TMEM132D: variants seen among roughly 807,000 people sequenced by gnomAD.
The protein encoded by TMEM132D is transmembrane protein 132D, also known as mature OL transmembrane protein.
TMEM132D carries 21 observed loss-of-function variants against 62.3 expected under a neutral mutation model. That is an observed-to-expected ratio of 0.34 (90% CI 0.24 to 0.49). The LOEUF is 0.49. Ranked by LOEUF, TMEM132D falls within the 20% of genes least tolerant of loss-of-function variation. TMEM132D has a pLI of 0.99. For synonymous variants in TMEM132D, 621 were observed against 575.6 expected, an observed-to-expected ratio of 1.08 and a Z score of -1.13; for missense variants, 1,346 against 1,402.8, an observed-to-expected ratio of 0.96 and a Z score of 0.65.
chr12:129,352,552 A>G (rs569635085), intron 3 of TMEM132D, among the ~76,000 whole-genome samples: 2 of 152,166 alleles, frequency 1.3e-5, no homozygotes, highest in South Asian at 2.1e-4. Context: ...AGGAACTTAA[A>G]CAAATTTACA....
intron 4 of TMEM132D, among the ~76,000 whole-genome samples, chr12:129,289,547 T>TAA (rs59709658): frequency 0.018 from 1,649 of 92,082 alleles, 16 homozygotes; most frequent in African/African-American, 0.043. Flanking sequence ...TCCATCTCAA[T>TAA]AAAAAAAAAA....
chr12:129,742,864 G>T (rs1593143764), intron 1 of TMEM132D, among the ~76,000 whole-genome samples: 1 of 152,314 alleles, frequency 6.6e-6, no homozygotes, highest in African/African-American at 2.4e-5. Flanking sequence ...TGGAATGCAA[G>T]AATTTCATCA....
chr12:129,431,062 T>C (rs1289871238), intron 3 of TMEM132D, among the ~76,000 whole-genome samples: 7 of 152,192 alleles, frequency 4.6e-5, no homozygotes, highest in African/African-American at 1.7e-4. Flanking sequence ...GTTCTCTGTC[T>C]TGGGCAGGGG....
intron 5 of TMEM132D, among the ~76,000 whole-genome samples, chr12:129,163,058 C>A (rs937180799): frequency 6.6e-6 from 1 of 152,170 alleles, no homozygotes. Flanking sequence ...GGGGGTGGAT[C>A]CCCAAGACCT....
intron 3 of TMEM132D, among the ~76,000 whole-genome samples, chr12:129,503,904 A>C (rs1402333531): frequency 6.6e-6 from 1 of 151,822 alleles, no homozygotes; most frequent in Non-Finnish European, 1.5e-5. Context: ...TCATCACCAT[A>C]ATCACTATTG....
intron 3 of TMEM132D, among the ~76,000 whole-genome samples, chr12:129,517,230 G>A (rs1247453436): frequency 2.6e-5 from 4 of 152,138 alleles, no homozygotes; most frequent in Non-Finnish European, 5.9e-5. Flanking sequence ...CTGGGACTCA[G>A]CTTCAAGATC....
chr12:129,675,029 A>G (rs544718480), intron 2 of TMEM132D, among the ~76,000 whole-genome samples: 2 of 152,306 alleles, frequency 1.3e-5, no homozygotes, highest in South Asian at 2.1e-4. Flanking sequence ...AAAATGGATA[A>G]TATGATTGTC....
At chr12:129,243,134 G>A (rs10847809) in intron 4 of TMEM132D, among the ~76,000 whole-genome samples, 6,059 of 152,270 alleles carry the variant, frequency 0.04, 264 homozygotes, top group East Asian at 0.21. Flanking sequence ...ACACACGTGT[G>A]CACACACATA....
chr12:129,317,328 G>C (rs1314436599), intron 4 of TMEM132D, among the ~76,000 whole-genome samples: 1 of 152,152 alleles, frequency 6.6e-6, no homozygotes, highest in African/African-American at 2.4e-5. Flanking sequence ...TTCTTGTAGT[G>C]GTGGCTTGGT....
chr12:129,727,904 A>G (rs1403307207), intron 1 of TMEM132D, among the ~76,000 whole-genome samples: 4 of 152,352 alleles, frequency 2.6e-5, no homozygotes, highest in Middle Eastern at 3.4e-3. Context: ...GCAGACAGCT[A>G]ACCCTGCATA....
chr12:129,262,022 G>C (rs1880561920), intron 4 of TMEM132D, among the ~76,000 whole-genome samples: 2 of 152,132 alleles, frequency 1.3e-5, no homozygotes, highest in South Asian at 2.1e-4. Context: ...ATCATTGAGA[G>C]AGTATGGGCT....
chr12:129,832,133 C>T lies in TMEM132D; in HGVS notation c.79+71128G>A, dbSNP rs541749877. Among the ~76,000 whole-genome samples, 286 of 149,510 alleles carry T rather than the reference C, an allele frequency of 1.9e-3. 1 individual carries two copies. Among genetic ancestry groups the T allele is most frequent in the African/African-American group, 6.0e-3 (244 of 40,662 alleles). Reference sequence around the variant, plus strand: ...CAATCTCCGGACCTCGTGATCCGCCCGTCTCAGCCTCCCAAAGAGCTGGGA... The same window carrying T: ...CAATCTCCGGACCTCGTGATCCGCCTGTCTCAGCCTCCCAAAGAGCTGGGA... On this transcript the variant is annotated intron_variant, in intron 1 of 8. Transcript: ENST00000422113.
At chr12:129,555,540 T>A (rs543484211) in intron 2 of TMEM132D, among the ~76,000 whole-genome samples, 1 of 152,200 alleles carries the variant, frequency 6.6e-6, no homozygotes, top group Non-Finnish European at 1.5e-5. Flanking sequence ...CATTCGAAAG[T>A]CATCAGAAGA....
intron 3 of TMEM132D, among the ~76,000 whole-genome samples, chr12:129,458,420 G>A (rs1873549767): frequency 6.8e-6 from 1 of 146,632 alleles, no homozygotes; most frequent in Non-Finnish European, 1.5e-5. Flanking sequence ...TTGTCTTTTA[G>A]ATAGAGTTTA....
chr12:129,217,762 T>C (rs972709577), intron 4 of TMEM132D, among the ~76,000 whole-genome samples: 8 of 152,232 alleles, frequency 5.3e-5, no homozygotes, highest in African/African-American at 1.9e-4. Flanking sequence ...CATGAGACAG[T>C]AGGCATAAAC....
At chr12:129,712,612 G>T (rs966225300) in intron 1 of TMEM132D, among the ~76,000 whole-genome samples, 6 of 152,206 alleles carry the variant, frequency 3.9e-5, no homozygotes. Context: ...GGCACTGAAA[G>T]TATGGCTGGC....
rs532485720 is a variant in TMEM132D at position 129,699,623 on chromosome 12, C to A, written c.968+187G>T. Among the ~76,000 whole-genome samples the A allele has an allele frequency of 2.6e-5, 4 of 152,352 alleles. No homozygotes were observed. In the South Asian group the frequency reaches 8.3e-4, roughly 32 times the overall value. On this transcript the variant is annotated intron_variant, in intron 2 of 8. Coordinates refer to ENST00000422113, the MANE Select transcript of TMEM132D (RefSeq NM_133448.3). ...AAATCTATTAAGACGAATATTCTCA[C>A]AACCCAATTGCCAACCCGGAACGAT...
intron 5 of TMEM132D, among the ~76,000 whole-genome samples, chr12:129,100,759 T>C (rs369367075): frequency 2.0e-5 from 3 of 152,230 alleles, no homozygotes; most frequent in East Asian, 1.9e-4. Context: ...AAAAGCCTCA[T>C]TAGTTAAGAA....
intron 1 of TMEM132D, among the ~76,000 whole-genome samples, chr12:129,843,855 G>A (rs959713490): frequency 3.9e-5 from 6 of 152,180 alleles, no homozygotes; most frequent in African/African-American, 1.4e-4. Context: ...TTGAGAGGCC[G>A]AGGTGGGGGG....
Sources: allele counts gnomAD v4.1 joint callset (sites outside exome capture counted in the v4.1 genomes callset), GRCh38; gene constraint gnomAD v4.1.1; transcripts MANE v1.5; gene names NCBI Gene and HGNC (gene_info 2026-07-23, HGNC 2026-07-21).